Variants in ANAPC1 observed in about 807,000 individuals in gnomAD.
The protein encoded by ANAPC1 is anaphase promoting complex subunit 1, also known as anaphase-promoting complex subunit 1.
ANAPC1 carries 36 observed loss-of-function variants against 208.0 expected under a neutral mutation model. The observed-to-expected ratio is 0.17, with a 90% confidence interval of 0.13 to 0.23. ANAPC1 has a LOEUF of 0.23. Among genes scored for constraint, ANAPC1 ranks in the 10% least tolerant of loss-of-function variants. ANAPC1 has a pLI of 1.00. For synonymous variants in ANAPC1, 378 were observed against 695.2 expected, an observed-to-expected ratio of 0.54 and a Z score of 7.18; for missense variants, 942 against 2,011.6, an observed-to-expected ratio of 0.47 and a Z score of 10.17.
intron 26 of ANAPC1, among the ~76,000 whole-genome samples, chr2:111,820,661 G>A (rs1181646195): frequency 7.3e-6 from 1 of 136,324 alleles, no homozygotes; most frequent in South Asian, 2.5e-4. Context: ...GAACAGGAGA[G>A]AATTTTAAAA....
chr2:111,860,957 C>A (rs1447219968), intron 10 of ANAPC1, among the ~76,000 whole-genome samples: 1 of 152,220 alleles, frequency 6.6e-6, no homozygotes, highest in Non-Finnish European at 1.5e-5. Context: ...CACCTATAAG[C>A]TGACAATTCC....
rs1458168268 is a variant in ANAPC1, at chr2:111,792,803, G to A, written c.4519-248C>T. Among the ~76,000 whole-genome samples, 8 of 151,886 alleles carry A rather than the reference G, an allele frequency of 5.3e-5. No homozygotes were observed. In the South Asian group the frequency reaches 1.3e-3, roughly 24 times the overall value. On this transcript the variant is annotated intron_variant, in intron 37 of 47. Transcript: ENST00000341068. The stretch of plus-strand genomic sequence containing the variant: ...CCGTCTCTACTAAAAAATACAAAAA[G>A]TTAGCCGGGCGTGGTGGCGGGCGCC...
rs765558487 is a variant in ANAPC1, at chr2:111,880,797, G to A, written c.29C>T (p.Thr10Met). 1.1e-5 allele frequency: 17 copies of A among 1,613,660 alleles called. No individual in the cohort carries two copies. The highest frequency in any genetic ancestry group is 3.3e-5 in the South Asian group (3 of 91,060). ...CTGCAAATCCCTTGCTGCAATCATCGTTGTCCTTTCTTCATAGAAGTTCGA... is the reference window on the plus strand; with the variant it reads ...CTGCAAATCCCTTGCTGCAATCATCATTGTCCTTTCTTCATAGAAGTTCGA... MSNFYEERT[T>M]MIAARDLQEF... The change falls in exon 2 of 48, where the codon ACG becomes ATG. Residue 10 changes from threonine (T) to methionine (M), a missense_variant. Transcript: ENST00000341068.
chr2:111,850,964 T>A, intron 13 of ANAPC1, 54 bp from the exon 14 acceptor site: 1 of 1,560,668 alleles, frequency 6.4e-7, no homozygotes, highest in Non-Finnish European at 8.6e-7. Flanking sequence ...ATGCATCATA[T>A]CCTTAAATAA....
chr2:111,879,545 G>T (rs1412843315), intron 2 of ANAPC1, among the ~76,000 whole-genome samples: 1 of 152,152 alleles, frequency 6.6e-6, no homozygotes, highest in African/African-American at 2.4e-5. Context: ...TTCATTTTCT[G>T]ACACACACTT....
intron 29 of ANAPC1, among the ~76,000 whole-genome samples, chr2:111,806,725 G>A (rs1678695139): frequency 6.6e-6 from 1 of 150,956 alleles, no homozygotes; most frequent in Non-Finnish European, 1.5e-5. Context: ...GAATTTCTGT[G>A]TACTGATCCT....
Position 111,856,607 on chromosome 2 carries a change from T to C in ANAPC1, c.1515+7A>G. ...ACTAAAGGCATGAAGTGCTACTTAT[T>C]GCTTACCCGAACCACTCCTGTGTAT... On this transcript the variant is annotated splice_region_variant and intron_variant, in intron 13 of 47. Coordinates refer to ENST00000341068, the MANE Select transcript of ANAPC1 (RefSeq NM_022662.4). 1 of 1,612,680 alleles carries C rather than the reference T, an allele frequency of 6.2e-7. No homozygotes were observed. Among genetic ancestry groups the C allele is most frequent in the South Asian group, 1.1e-5 (1 of 91,008 alleles).
Position 111,800,253 on chromosome 2 carries a change from GAAAC to G in ANAPC1, c.4296+540_4296+543del, listed in dbSNP as rs1272824914. 4.8e-5 allele frequency among the ~76,000 whole-genome samples: 7 copies of G among 145,510 alleles called. 1 individual carries two copies. The highest frequency in any genetic ancestry group is 2.8e-4 in the Admixed American group (4 of 14,252). ...GATTTTTCTTCTGAAAATACTGAAA[GAAAC>G]AATCTACATAAAGAAACTGAGACCA... is the stretch of plus-strand genomic sequence containing the variant. On this transcript the variant is annotated intron_variant, in intron 34 of 47. Transcript: ENST00000341068.
chr2:111,870,257 T>C (rs193295487), intron 6 of ANAPC1, among the ~76,000 whole-genome samples: 1 of 152,370 alleles, frequency 6.6e-6, no homozygotes, highest in Admixed American at 6.5e-5. Context: ...CTAGATTGAA[T>C]GGTAGACGTA....
intron 6 of ANAPC1, among the ~76,000 whole-genome samples, chr2:111,870,961 TTA>T (rs1682715532): frequency 6.6e-6 from 1 of 152,162 alleles, no homozygotes; most frequent in Non-Finnish European, 1.5e-5. Context: ...TTCCCCCAAT[TTA>T]TGTTTTTGTA....
chr2:111,843,055 T>C (rs1415807111), intron 17 of ANAPC1, among the ~76,000 whole-genome samples: 2 of 152,224 alleles, frequency 1.3e-5, no homozygotes, highest in Admixed American at 1.3e-4. Context: ...TGCAGTCTAG[T>C]CATAGTTGTT....
chr2:111,839,537 C>T (rs569308669), intron 17 of ANAPC1, among the ~76,000 whole-genome samples: 14 of 152,150 alleles, frequency 9.2e-5, no homozygotes, highest in Non-Finnish European at 1.6e-4. Flanking sequence ...CTCACCTAAA[C>T]AGAGTTGATT....
intron 1 of ANAPC1, among the ~76,000 whole-genome samples, chr2:111,882,409 G>A (rs2104622354): frequency 6.6e-6 from 1 of 152,058 alleles, no homozygotes; most frequent in Admixed American, 6.6e-5. Context: ...CTCCTCCAAA[G>A]CCACAAAGTT....
intron 13 of ANAPC1, among the ~76,000 whole-genome samples, chr2:111,851,480 T>C (rs1573462084): frequency 6.6e-6 from 1 of 152,090 alleles, no homozygotes; most frequent in African/African-American, 2.4e-5. Flanking sequence ...ATCTGCACAC[T>C]ATGTACTCTT....
chr2:111,821,992 A>C (rs1181474908), intron 25 of ANAPC1, among the ~76,000 whole-genome samples: 4 of 152,164 alleles, frequency 2.6e-5, no homozygotes, highest in Non-Finnish European at 5.9e-5. Flanking sequence ...TAAAAGGTTA[A>C]ATTCAAAAAA....
Position 111,794,213 on chromosome 2 carries a change from T to G in ANAPC1, c.4464+20A>C. 6.3e-7 allele frequency: 1 copy of G among 1,590,870 alleles called. No individual in the cohort carries two copies. The highest frequency in any genetic ancestry group is 8.5e-7 in the Non-Finnish European group (1 of 1,171,594). Reference sequence around the variant, plus strand: ...AAACAAACAAAAAAAAAGAACACAGTAAACTAAAATACTTCTTACCAAACA... The same window carrying G: ...AAACAAACAAAAAAAAAGAACACAGGAAACTAAAATACTTCTTACCAAACA... On this transcript the variant is annotated intron_variant, in intron 36 of 47. Coordinates refer to ENST00000341068, the MANE Select transcript of ANAPC1 (RefSeq NM_022662.4).
At chr2:111,836,421 G>A (rs1680470167) in intron 18 of ANAPC1, among the ~76,000 whole-genome samples, 1 of 151,214 alleles carries the variant, frequency 6.6e-6, no homozygotes, top group Non-Finnish European at 1.5e-5. Flanking sequence ...CAGGAGGACT[G>A]CTTGAGCCCA....
At chr2:111,868,914 T>C (rs570371889) in intron 6 of ANAPC1, among the ~76,000 whole-genome samples, 1 of 152,274 alleles carries the variant, frequency 6.6e-6, no homozygotes, top group Non-Finnish European at 1.5e-5. Context: ...TGAAAATCTA[T>C]CAGCAATTTC....
At position 111,840,223 on chromosome 2, in the gene ANAPC1, TA is replaced by T. The variant is rs373106993; in HGVS notation, c.2041-1712del. On this transcript the variant is annotated intron_variant, in intron 17 of 47. Transcript: ENST00000341068. ...GCACAAAGAAATGCCAAAAATTGTGTAACGAGTCATTGGCAGAAATTCTGTA... is the reference window on the plus strand; with the variant it reads ...GCACAAAGAAATGCCAAAAATTGTGTACGAGTCATTGGCAGAAATTCTGTA... 5.2e-3 allele frequency among the ~76,000 whole-genome samples: 790 copies of T among 152,182 alleles called. 14 individuals are homozygous for T. The highest frequency in any genetic ancestry group is 0.018 in the African/African-American group (747 of 41,518).
Sources: allele counts gnomAD v4.1 joint callset (sites outside exome capture counted in the v4.1 genomes callset), GRCh38; gene constraint gnomAD v4.1.1; transcripts MANE v1.5; gene names NCBI Gene and HGNC (gene_info 2026-07-23, HGNC 2026-07-21).